NPAS3: variants seen among roughly 807,000 people sequenced by gnomAD.
NPAS3 encodes the protein neuronal PAS domain protein 3, also known as neuronal PAS domain-containing protein 3.
Under a neutral mutation model 73.1 loss-of-function variants are expected in NPAS3, and 14 were observed. The ratio of observed to expected loss-of-function variants is 0.19; its 90% CI spans 0.13 to 0.30. The LOEUF is 0.30. Ranked by LOEUF, NPAS3 falls within the 10% of genes least tolerant of loss-of-function variation. The probability of loss-of-function intolerance (pLI) is 1.00; values close to 1 mark genes in which losing one functional copy is unlikely to be tolerated. For missense variants in NPAS3, 1,096 were observed against 1,250.0 expected, an observed-to-expected ratio of 0.88 and a Z score of 1.86; for synonymous variants, 620 against 541.5, an observed-to-expected ratio of 1.14 and a Z score of -2.01.
chr14:33,131,392 C>G (rs1272491512), intron 2 of NPAS3, among the ~76,000 whole-genome samples: 4 of 149,620 alleles, frequency 2.7e-5, no homozygotes, highest in African/African-American at 9.9e-5. Context: ...CAAGTTCAGT[C>G]CAATTGAGTT....
In NPAS3 at chr14:33,065,812, A is replaced by AT. The variant is rs569882597; in HGVS notation, c.140+9822dup. Among the ~76,000 whole-genome samples, 21 of 152,056 alleles carry AT rather than the reference A, an allele frequency of 1.4e-4. No individual in the cohort carries two copies. The South Asian group carries it at 4.4e-3, about 32-fold the overall frequency. ...CATCATAAGCTTTCATAACAGCATC[A>AT]TTTTCCTGACTATTGCCTGTCAGGG... On this transcript the variant is annotated intron_variant, in intron 2 of 11. Transcript: ENST00000356141.
At chr14:33,255,953 G>A (rs563140340) in intron 3 of NPAS3, among the ~76,000 whole-genome samples, 27 of 152,264 alleles carry the variant, frequency 1.8e-4, no homozygotes, top group Non-Finnish European at 2.5e-4. Context: ...TAGGCTAAAA[G>A]GATAGCTAGA....
chr14:33,183,719 G>C (rs1299133918), intron 2 of NPAS3, among the ~76,000 whole-genome samples: 2 of 151,964 alleles, frequency 1.3e-5, no homozygotes, highest in African/African-American at 4.8e-5. Flanking sequence ...TCTCTCCATT[G>C]CTTATGATCC....
At chr14:33,047,083 C>T (rs909568406) in intron 1 of NPAS3, among the ~76,000 whole-genome samples, 2 of 152,040 alleles carry the variant, frequency 1.3e-5, no homozygotes, top group African/African-American at 2.4e-5. Context: ...GCTGACTATA[C>T]AGAATTGGGA....
At chr14:33,005,060 C>G (rs1164461353) in intron 1 of NPAS3, among the ~76,000 whole-genome samples, 1 of 151,346 alleles carries the variant, frequency 6.6e-6, no homozygotes, top group Non-Finnish European at 1.5e-5. Context: ...TTATAGTTAA[C>G]TTTTTTTTGT....
chr14:33,566,716 A>G (rs1487631978), intron 5 of NPAS3, among the ~76,000 whole-genome samples: 1 of 152,134 alleles, frequency 6.6e-6, no homozygotes, highest in Non-Finnish European at 1.5e-5. Flanking sequence ...TCTTCTCTGT[A>G]GTTGCAGGGT....
chr14:33,173,634 G>A lies in NPAS3; in HGVS notation c.141-41548G>A, dbSNP rs576547703. Among the ~76,000 whole-genome samples, 10 of 152,274 alleles carry A rather than the reference G, an allele frequency of 6.6e-5. No individual in the cohort carries two copies. The Middle Eastern group carries it at 0.01, about 156-fold the overall frequency. On this transcript the variant is annotated intron_variant, in intron 2 of 11. Coordinates refer to ENST00000356141, the Ensembl canonical transcript of NPAS3. ...CCCAATGGTATCATACTGAATGTAG[G>A]AAAATAATTACAGTGTATGTTTAAC... is the stretch of plus-strand genomic sequence containing the variant.
At chr14:33,606,475 A>G (rs964005212) in intron 5 of NPAS3, among the ~76,000 whole-genome samples, 82 of 152,160 alleles carry the variant, frequency 5.4e-4, no homozygotes, top group African/African-American at 1.8e-3. Flanking sequence ...AGATGCAAAG[A>G]TAGTTCAGTG....
At chr14:33,359,529 G>C (rs1407398999) in intron 3 of NPAS3, among the ~76,000 whole-genome samples, 2 of 152,126 alleles carry the variant, frequency 1.3e-5, no homozygotes, top group African/African-American at 4.8e-5. Context: ...TTGCTGCTGA[G>C]GTCAGAGGAG....
chr14:33,593,857 G>T (rs985277637), intron 5 of NPAS3, among the ~76,000 whole-genome samples: 1 of 152,128 alleles, frequency 6.6e-6, no homozygotes, highest in African/African-American at 2.4e-5. Flanking sequence ...GTACAGAGAT[G>T]CTTCCTAGCA....
Position 33,280,434 on chromosome 14 carries a change from A to C in NPAS3, c.385+65008A>C, listed in dbSNP as rs2041549671. Among the ~76,000 whole-genome samples the C allele has an allele frequency of 2.6e-5, 4 of 152,324 alleles. No individual in the cohort carries two copies. The South Asian group carries it at 6.2e-4, about 24-fold the overall frequency. ...AAGATTAAGAGCCATGCCAATACTG[A>C]GGAGAAAGCAGATGATGAGCCTCGG... On this transcript the variant is annotated intron_variant, in intron 3 of 11. Transcript: ENST00000356141.
chr14:33,061,146 G>A (rs554661867), intron 2 of NPAS3, among the ~76,000 whole-genome samples: 9 of 152,296 alleles, frequency 5.9e-5, no homozygotes, highest in East Asian at 1.9e-4. Flanking sequence ...CAAGACAGGC[G>A]CCTTGTCAGG....
intron 1 of NPAS3, among the ~76,000 whole-genome samples, chr14:32,951,980 T>C (rs1396602713): frequency 6.6e-6 from 1 of 152,072 alleles, no homozygotes. Context: ...AATAGAGGTA[T>C]CACTTATTTA....
intron 6 of NPAS3, among the ~76,000 whole-genome samples, chr14:33,729,898 C>T (rs1408536010): frequency 9.2e-5 from 14 of 152,104 alleles, no homozygotes; most frequent in Admixed American, 9.2e-4. Context: ...CCTGGATAAA[C>T]ATAAAATCCT....
chr14:33,555,896 C>G (rs12434009), intron 4 of NPAS3, among the ~76,000 whole-genome samples: 104,406 of 151,248 alleles, frequency 0.69, 36,246 homozygotes, highest in East Asian at 0.76. Flanking sequence ...GTTGGTGTGT[C>G]TGTGTGTGTG....
intron 4 of NPAS3, among the ~76,000 whole-genome samples, chr14:33,465,439 A>T (rs1414310619): frequency 6.6e-6 from 1 of 152,190 alleles, no homozygotes; most frequent in African/African-American, 2.4e-5. Flanking sequence ...TACAGGTAAC[A>T]AAAAAACAAG....
intron 3 of NPAS3, among the ~76,000 whole-genome samples, chr14:33,335,041 T>C (rs1909836): frequency 0.03 from 3,190 of 107,860 alleles, 40 homozygotes; most frequent in Non-Finnish European, 0.037. Context: ...TGTGTGTGTG[T>C]GCGTGTGTGT....
intron 4 of NPAS3, among the ~76,000 whole-genome samples, chr14:33,508,877 C>G (rs1011744434): frequency 4.6e-5 from 7 of 151,834 alleles, no homozygotes; most frequent in African/African-American, 1.5e-4. Flanking sequence ...TCACTCTCAC[C>G]CCTGAGCCTT....
At chr14:33,274,276 G>A (rs571459808) in intron 3 of NPAS3, among the ~76,000 whole-genome samples, 21 of 152,290 alleles carry the variant, frequency 1.4e-4, no homozygotes, top group Admixed American at 9.8e-4. Context: ...CACTATGTAC[G>A]GAGAAACATT....
Sources: gnomAD v4.1 joint callset for allele counts (sites outside exome capture counted in the v4.1 genomes callset) on GRCh38, gnomAD v4.1.1 for gene constraint, MANE v1.5 for transcripts, NCBI Gene and HGNC (gene_info 2026-07-23, HGNC 2026-07-21) for gene names.